Variants in ABCB7 observed in about 807,000 individuals in gnomAD.
ABCB7 encodes the protein ATP binding cassette subfamily B member 7.
Under a neutral mutation model 54.4 loss-of-function variants are expected in ABCB7, and 7 were observed. The observed-to-expected ratio is 0.13, with a 90% CI of 0.07 to 0.24. ABCB7 has a LOEUF of 0.24. ABCB7 is among the 10% of genes least tolerant of loss of function. The pLI is 1.00. For synonymous variants in ABCB7, 218 were observed against 207.1 expected (o/e 1.05, Z -0.45); for missense variants, 356 against 570.4 (o/e 0.62, Z 3.83).
intron 1 of ABCB7, among the ~76,000 whole-genome samples, chrX:75,126,123 A>G (rs2081924512): frequency 9.0e-6 from 1 of 111,549 alleles, no homozygotes; most frequent in African/African-American, 3.2e-5. Flanking sequence ...GAAAAGAAGC[A>G]CCTAGATCCT....
At chrX:75,140,448 G>C (rs2082045930) in intron 1 of ABCB7, among the ~76,000 whole-genome samples, 1 of 110,761 alleles carries the variant, frequency 9.0e-6, no homozygotes, top group African/African-American at 3.3e-5. Flanking sequence ...AAATTAATGA[G>C]ATCAAGTACC....
intron 1 of ABCB7, among the ~76,000 whole-genome samples, chrX:75,155,758 T>A (rs1369944852): frequency 9.0e-6 from 1 of 111,139 alleles, no homozygotes; most frequent in African/African-American, 3.3e-5. Flanking sequence ...CATTACTAAT[T>A]GGGGAAAATA....
chrX:75,117,626 A>C (rs1366124651), intron 1 of ABCB7, among the ~76,000 whole-genome samples: 1 of 111,362 alleles, frequency 9.0e-6, no homozygotes, highest in Non-Finnish European at 1.9e-5. Context: ...ATGGGATGTT[A>C]ACTGCTACTC....
chrX:75,059,479 A>T lies in ABCB7; in HGVS notation c.2043+744T>A, dbSNP rs185461023. ...AAGACCCTGCCTCAAAAAGGAAAAA[A>T]AAAAACCAAAATGATAAAGAATTGA... On this transcript the variant is annotated intron_variant, in intron 15 of 15. Coordinates refer to ENST00000373394, the MANE Select transcript of ABCB7 (RefSeq NM_001271696.3). Among the ~76,000 whole-genome samples the T allele has an allele frequency of 5.4e-5, 6 of 110,544 alleles. No individual in the cohort carries two copies. The Admixed American group carries it at 5.8e-4, about 11-fold the overall frequency.
chrX:75,101,572 A>G (rs149211109), intron 3 of ABCB7, among the ~76,000 whole-genome samples: 3,240 of 111,296 alleles, frequency 0.029, 116 homozygotes, highest in African/African-American at 0.1. Context: ...TATAACTGGT[A>G]AGACCTTTTA....
Sources: allele counts gnomAD v4.1 joint callset (sites outside exome capture counted in the v4.1 genomes callset), GRCh38; gene constraint gnomAD v4.1.1; transcripts MANE v1.5; gene names NCBI Gene and HGNC (gene_info 2026-07-23, HGNC 2026-07-21).